HMCN1: variants seen among roughly 807,000 people sequenced by gnomAD.
HMCN1 encodes the protein hemicentin-1.
Under a neutral mutation model 625.9 loss-of-function variants are expected in HMCN1, and 321 were observed. The observed-to-expected ratio is 0.51, with a 90% CI of 0.47 to 0.56. The LOEUF is 0.56. Among genes scored for constraint, HMCN1 ranks in the 20% least tolerant of loss-of-function variants. The probability of loss-of-function intolerance (pLI) is 0.00; values close to 1 mark genes in which losing one functional copy is unlikely to be tolerated. For missense variants in HMCN1, 6,588 were observed against 6,887.3 expected, an observed-to-expected ratio of 0.96 and a Z score of 1.54; for synonymous variants, 2,425 against 2,417.6, an observed-to-expected ratio of 1.00 and a Z score of -0.09.
At position 185,741,055 on chromosome 1, in the gene HMCN1, T is replaced by G. The variant is rs141559636; in HGVS notation, c.268+6008T>G. Among the ~76,000 whole-genome samples the G allele has an allele frequency of 2.1e-3, 315 of 152,124 alleles. 2 individuals carry two copies. The highest frequency in any genetic ancestry group is 7.3e-3 in the African/African-American group (303 of 41,526). ...TTAAAAAGAGTCTGGCTTCCTTGGT[T>G]TTTGTCTCTTGCTTCCTCTCTTGCC... On this transcript the variant is annotated intron_variant, in intron 1 of 106. Transcript: ENST00000271588.
chr1:186,038,098 G>A, intron 37 of HMCN1, 63 bp downstream of exon 37: 2 of 1,080,352 alleles, frequency 1.9e-6, no homozygotes, highest in South Asian at 2.5e-5. Context: ...ACTGAAATTG[G>A]TTTTGAGCAT....
chr1:186,025,447 A>G (rs1655001846), intron 36 of HMCN1, among the ~76,000 whole-genome samples: 1 of 152,232 alleles, frequency 6.6e-6, no homozygotes, highest in African/African-American at 2.4e-5. Context: ...GCCTAGTCCC[A>G]GATCTCCTGA....
chr1:185,793,084 A>T (rs1294689953), intron 1 of HMCN1, among the ~76,000 whole-genome samples: 1 of 152,122 alleles, frequency 6.6e-6, no homozygotes, highest in Non-Finnish European at 1.5e-5. Flanking sequence ...AGGTTACTAC[A>T]GTCAAAGTTA....
chr1:185,831,092 T>A (rs1435539857), intron 1 of HMCN1, among the ~76,000 whole-genome samples: 1 of 152,162 alleles, frequency 6.6e-6, no homozygotes, highest in African/African-American at 2.4e-5. Flanking sequence ...CAAAATTTAA[T>A]AACATTTTCA....
intron 1 of HMCN1, among the ~76,000 whole-genome samples, chr1:185,801,173 A>C (rs1423415928): frequency 6.6e-6 from 1 of 152,248 alleles, no homozygotes; most frequent in Non-Finnish European, 1.5e-5. Flanking sequence ...TAATGCTACT[A>C]TGAAAGACTT....
At chr1:186,157,183 A>G (rs1294330726) in intron 97 of HMCN1, among the ~76,000 whole-genome samples, 6 of 152,240 alleles carry the variant, frequency 3.9e-5, no homozygotes, top group Non-Finnish European at 4.4e-5. Flanking sequence ...GACTGGAAGG[A>G]AAAACATCAA....
chr1:186,093,364 T>A (rs1267013870), intron 65 of HMCN1, 106 bp downstream of exon 65: 2 of 1,581,226 alleles, frequency 1.3e-6, no homozygotes, highest in East Asian at 4.5e-5. Context: ...TTAAATTTGA[T>A]GCCACCACTA....
intron 18 of HMCN1, among the ~76,000 whole-genome samples, chr1:185,983,872 A>G (rs1362769541): frequency 6.6e-6 from 1 of 152,228 alleles, no homozygotes; most frequent in Non-Finnish European, 1.5e-5. Flanking sequence ...GTTTTGAGTG[A>G]TGACAAAATT....
At position 185,891,939 on chromosome 1, in the gene HMCN1, T is replaced by C. The variant is rs533908492; in HGVS notation, c.622-17398T>C. 5.4e-3 allele frequency among the ~76,000 whole-genome samples: 786 copies of C among 146,562 alleles called. 7 individuals carry two copies. The highest frequency in any genetic ancestry group is 0.02 in the African/African-American group (732 of 36,078). On this transcript the variant is annotated intron_variant, in intron 4 of 106. Coordinates refer to ENST00000271588, the MANE Select transcript of HMCN1 (RefSeq NM_031935.3). Reference sequence around the variant, plus strand: ...TTGGTTCCATTCTCCCCATCACTTTTAGGTACACCAATCAGATGTAGATTT... The same window carrying C: ...TTGGTTCCATTCTCCCCATCACTTTCAGGTACACCAATCAGATGTAGATTT...
chr1:186,041,169 T>C, intron 40 of HMCN1, 33 bp downstream of exon 40: 1 of 1,591,358 alleles, frequency 6.3e-7, no homozygotes, highest in East Asian at 2.2e-5. Flanking sequence ...TCTCTTCTGG[T>C]AGAGATATGT....
intron 50 of HMCN1, among the ~76,000 whole-genome samples, chr1:186,069,062 G>C (rs1658320385): frequency 6.6e-6 from 1 of 152,158 alleles, no homozygotes; most frequent in South Asian, 2.1e-4. Context: ...AAAGTATAAA[G>C]TGAGAATGGC....
chr1:185,824,466 A>G (rs1211142211), intron 1 of HMCN1, among the ~76,000 whole-genome samples: 4 of 152,162 alleles, frequency 2.6e-5, no homozygotes, highest in African/African-American at 9.7e-5. Context: ...CCCTGTAAAT[A>G]TACCCTCTCT....
At chr1:185,797,667 C>T (rs550156286) in intron 1 of HMCN1, among the ~76,000 whole-genome samples, 35 of 152,074 alleles carry the variant, frequency 2.3e-4, no homozygotes, top group Non-Finnish European at 4.0e-4. Flanking sequence ...TATGCAATTG[C>T]TTTATAAGAC....
intron 51 of HMCN1, among the ~76,000 whole-genome samples, 191 bp from the exon 52 acceptor site, chr1:186,070,421 G>T (rs1023078011): frequency 6.6e-6 from 1 of 152,176 alleles, no homozygotes; most frequent in African/African-American, 2.4e-5. Context: ...GGGAGAAAGA[G>T]ATTTCCTGTT....
intron 105 of HMCN1, 92 bp downstream of exon 105, chr1:186,182,379 T>C: frequency 1.4e-6 from 2 of 1,450,434 alleles, no homozygotes; most frequent in East Asian, 2.3e-5. Context: ...ATTCTCCTAG[T>C]GGCTTCCCCT....
In HMCN1 at chr1:186,088,740, T is replaced by C; in HGVS notation, c.9712T>C (p.Phe3238Leu). Residue 3238 changes from phenylalanine to leucine, a missense_variant, in exon 63 of 107, where the codon TTT becomes CTT. By Grantham distance (22) the Phe-to-Leu change is conservative. Around this residue, in one of 3 missense-constraint regions of HMCN1, gnomAD observed 4,628 missense variants for 4,853.1 expected, o/e 0.95. Coordinates refer to ENST00000271588, the MANE Select transcript of HMCN1 (RefSeq NM_031935.3). ...GGAGGGAAAAGCCCAGAAATATTAC[T>C]TTCTTTCAATTCAAGGTATGTATTG... is the stretch of plus-strand genomic sequence containing the variant. ...NMEGKAQKYY[F>L]LSIQVPPSVA... 3.7e-6 allele frequency: 6 copies of C among 1,608,256 alleles called. No homozygotes were observed. The highest frequency in any genetic ancestry group is 4.3e-6 in the Non-Finnish European group (5 of 1,176,256).
At chr1:185,990,709 G>A (rs1480867324) in intron 22 of HMCN1, among the ~76,000 whole-genome samples, 2 of 152,156 alleles carry the variant, frequency 1.3e-5, no homozygotes, top group South Asian at 2.1e-4. Context: ...GAGCAGAATT[G>A]TATGAGATTC....
At chr1:185,835,803 G>T (rs12087032) in intron 1 of HMCN1, among the ~76,000 whole-genome samples, 34,684 of 151,804 alleles carry the variant, frequency 0.23, 4,333 homozygotes, top group Non-Finnish European at 0.28. Flanking sequence ...ATACATAATT[G>T]CAACAGTATA....
chr1:185,976,926 T>C (rs1651254959), intron 15 of HMCN1, among the ~76,000 whole-genome samples: 1 of 152,114 alleles, frequency 6.6e-6, no homozygotes. Flanking sequence ...TCTCCTTGCC[T>C]GGTGTCTCAT....
Sources: gnomAD v4.1 joint callset for allele counts (sites outside exome capture counted in the v4.1 genomes callset) on GRCh38, gnomAD v4.1.1 for gene constraint, gnomAD v4.1.1 regional missense constraint, MANE v1.5 for transcripts, NCBI Gene and HGNC (gene_info 2026-07-23, HGNC 2026-07-21) for gene names.